The following LYPD6B variants were observed in gnomAD, a reference collection of about 807,000 sequenced individuals.
The protein encoded by LYPD6B is LY6/PLAUR domain containing 6B, also known as ly6/PLAUR domain-containing protein 6B.
A neutral mutation model predicts 22.8 loss-of-function variants in LYPD6B; 17 were observed. The observed-to-expected ratio is 0.75, with a 90% CI of 0.51 to 1.12. LYPD6B has a LOEUF of 1.12. Among genes scored for constraint, LYPD6B ranks in the 50% most tolerant of loss-of-function variants. The pLI is 0.00. For synonymous variants in LYPD6B, 106 were observed against 91.6 expected (o/e 1.16, Z -0.90); for missense variants, 221 against 258.3 (o/e 0.86, Z 0.99).
intron 3 of LYPD6B, among the ~76,000 whole-genome samples, chr2:149,169,376 G>T (rs1286448585): frequency 6.6e-6 from 1 of 152,204 alleles, no homozygotes; most frequent in Non-Finnish European, 1.5e-5. Flanking sequence ...CTAAACAGGA[G>T]GAAGTGTTAC....
At chr2:149,187,386 C>A (rs1692182827) in intron 3 of LYPD6B, 2 of 1,481,214 alleles carry the variant, frequency 1.4e-6, no homozygotes, top group Non-Finnish European at 1.8e-6. Context: ...GCCATGGTCC[C>A]ATGACTTGAT....
chr2:149,069,465 T>C (rs1684497467), intron 1 of LYPD6B, among the ~76,000 whole-genome samples: 1 of 152,116 alleles, frequency 6.6e-6, no homozygotes, highest in Admixed American at 6.6e-5. Flanking sequence ...TGGTTAGGAT[T>C]GAATAGAATT....
chr2:149,052,797 A>C (rs1683623223), intron 1 of LYPD6B, among the ~76,000 whole-genome samples: 2 of 152,226 alleles, frequency 1.3e-5, no homozygotes, highest in Non-Finnish European at 2.9e-5. Context: ...TTAAAAAAAT[A>C]AAATAACAAT....
At chr2:149,178,682 A>T (rs967566084) in intron 3 of LYPD6B, among the ~76,000 whole-genome samples, 1 of 152,254 alleles carries the variant, frequency 6.6e-6, no homozygotes, top group Non-Finnish European at 1.5e-5. Context: ...TACATTGTAG[A>T]CATGATCTTC....
At chr2:149,149,509 A>G (rs1164022255) in intron 2 of LYPD6B, among the ~76,000 whole-genome samples, 1 of 152,168 alleles carries the variant, frequency 6.6e-6, no homozygotes, top group Non-Finnish European at 1.5e-5. Flanking sequence ...CATTCAACTT[A>G]GATTTTTAAA....
At chr2:149,094,435 G>A (rs1371745749) in intron 1 of LYPD6B, among the ~76,000 whole-genome samples, 1 of 152,168 alleles carries the variant, frequency 6.6e-6, no homozygotes, top group Non-Finnish European at 1.5e-5. Flanking sequence ...GTATCTAAAG[G>A]ATTGGCTGAA....
intron 4 of LYPD6B, chr2:149,206,279 G>A (rs1291804539): frequency 4.1e-6 from 1 of 245,216 alleles, no homozygotes; most frequent in Admixed American, 4.8e-5. Flanking sequence ...ACATGGTCAG[G>A]TGTGAGAACC....
At chr2:149,177,855 T>TTTTTTTTTAA (rs1691430423) in intron 3 of LYPD6B, among the ~76,000 whole-genome samples, 1 of 133,714 alleles carries the variant, frequency 7.5e-6, no homozygotes, top group Non-Finnish European at 1.7e-5. Flanking sequence ...TTTTTTTTTG[T>TTTTTTTTTAA]ACTATTGAAA....
chr2:149,046,767 T>C (rs758881555), intron 1 of LYPD6B, among the ~76,000 whole-genome samples: 1 of 152,206 alleles, frequency 6.6e-6, no homozygotes, highest in Non-Finnish European at 1.5e-5. Flanking sequence ...TGTAGTCTTA[T>C]AGCAGTATAT....
chr2:149,196,991 A>T lies in LYPD6B; in HGVS notation c.78-8262A>T, dbSNP rs190948549. On this transcript the variant is annotated intron_variant, in intron 3 of 6. Transcript: ENST00000409642. ...TAATGGACTGTTAGCCAGCTGCAGG[A>T]CATTTCAGCCTCCATTTCTCTTAAG... 3.9e-3 allele frequency among the ~76,000 whole-genome samples: 601 copies of T among 152,340 alleles called. 4 individuals carry two copies. Among genetic ancestry groups the T allele is most frequent in the Non-Finnish European group, 6.7e-3 (453 of 68,036 alleles).
chr2:149,206,355 A>C (rs1693505163), intron 4 of LYPD6B, among the ~76,000 whole-genome samples: 1 of 151,972 alleles, frequency 6.6e-6, no homozygotes, highest in Admixed American at 6.6e-5. Flanking sequence ...GTGCTTTATT[A>C]TTTGGGACAG....
At chr2:149,047,056 T>A (rs1683340617) in intron 1 of LYPD6B, among the ~76,000 whole-genome samples, 1 of 152,246 alleles carries the variant, frequency 6.6e-6, no homozygotes, top group African/African-American at 2.4e-5. Context: ...GGTTATAGTT[T>A]GCTTACTCCT....
intron 3 of LYPD6B, among the ~76,000 whole-genome samples, chr2:149,176,702 C>A (rs1575121699): frequency 6.6e-6 from 1 of 152,098 alleles, no homozygotes; most frequent in Admixed American, 6.6e-5. Context: ...TTTGGTGGGG[C>A]CTTCAGGCTA....
chr2:149,185,624 C>T (rs556193848), intron 3 of LYPD6B, among the ~76,000 whole-genome samples: 48 of 152,276 alleles, frequency 3.2e-4, no homozygotes, highest in African/African-American at 1.2e-3. Flanking sequence ...TAGAAGGAGG[C>T]TGATTTGGAA....
At position 149,147,034 on chromosome 2, in the gene LYPD6B, C is replaced by T. The variant is rs1196206502; in HGVS notation, c.6-13730C>T. ...GCTGGGGATGGTCAGGTGAAGGGCT[C>T]CTCCCACACAGTCTAAGACTCCAGG... On this transcript the variant is annotated intron_variant, in intron 2 of 6. Coordinates refer to ENST00000409642, the MANE Select transcript of LYPD6B (RefSeq NM_177964.5). Among the ~76,000 whole-genome samples the T allele has an allele frequency of 6.6e-5, 10 of 152,124 alleles. No homozygotes were observed. In the South Asian group the frequency reaches 1.7e-3, roughly 25 times the overall value.
At chr2:149,130,385 A>T (rs1687951377) in intron 1 of LYPD6B, among the ~76,000 whole-genome samples, 1 of 152,208 alleles carries the variant, frequency 6.6e-6, no homozygotes, top group Non-Finnish European at 1.5e-5. Context: ...TATCATAATG[A>T]GTCTTTATTT....
intron 1 of LYPD6B, among the ~76,000 whole-genome samples, chr2:149,062,598 AT>A (rs538155107): frequency 2.7e-4 from 41 of 151,022 alleles, no homozygotes; most frequent in African/African-American, 8.0e-4. Flanking sequence ...AGAAGTGATG[AT>A]TTTTTTTTTC....
At chr2:149,193,790 GCAT>G (rs1692639284) in intron 3 of LYPD6B, among the ~76,000 whole-genome samples, 1 of 152,020 alleles carries the variant, frequency 6.6e-6, no homozygotes, top group Admixed American at 6.6e-5. Flanking sequence ...GTAGGGCCAA[GCAT>G]CATCACACAA....
intron 3 of LYPD6B, among the ~76,000 whole-genome samples, chr2:149,204,107 C>A (rs1201075897): frequency 1.3e-5 from 2 of 152,212 alleles, no homozygotes; most frequent in African/African-American, 4.8e-5. Flanking sequence ...TTTCACAGAA[C>A]TTTTATGATG....
Sources: allele counts gnomAD v4.1 joint callset (sites outside exome capture counted in the v4.1 genomes callset), GRCh38; gene constraint gnomAD v4.1.1; transcripts MANE v1.5; gene names NCBI Gene and HGNC (gene_info 2026-07-23, HGNC 2026-07-21).